The following GUCY1B1 variants were observed in gnomAD, a reference collection of about 807,000 sequenced individuals.
The protein encoded by GUCY1B1 is guanylate cyclase soluble subunit beta-1.
In GUCY1B1, 43 loss-of-function variants were observed where a neutral mutation model predicts 71.0. That is an observed-to-expected ratio of 0.61 (90% CI 0.47 to 0.78). The LOEUF (loss-of-function observed/expected upper bound fraction) is 0.78, where lower values mean the gene tolerates loss of function less well. Ranked by LOEUF, GUCY1B1 falls within the 30% of genes least tolerant of loss-of-function variation. GUCY1B1 has a pLI of 0.00. For missense variants in GUCY1B1, 535 were observed against 754.1 expected, an observed-to-expected ratio of 0.71 and a Z score of 3.40; for synonymous variants, 266 against 259.7, an observed-to-expected ratio of 1.02 and a Z score of -0.23.
At chr4:155,795,589 TA>T (rs1739495411) in intron 7 of GUCY1B1, 132 bp downstream of exon 7, 2 of 532,584 alleles carry the variant, frequency 3.8e-6, no homozygotes, top group Middle Eastern at 9.4e-4. Context: ...AAGATCTATT[TA>T]AAAGGCAATA....
Position 155,802,626 on chromosome 4 carries a change from T to C in GUCY1B1, c.1413+47T>C, listed in dbSNP as rs1474934803. 1 of 1,485,752 alleles carries C rather than the reference T, an allele frequency of 6.7e-7. No homozygotes were observed. 92.0% of individuals were successfully genotyped at this position (1,485,752 alleles called of 1,614,324 possible). On this transcript the variant is annotated intron_variant, in intron 10 of 13. Transcript: ENST00000264424. This position sits in a 1 kb window ranked among gnomAD's most constrained non-coding sequence, Gnocchi z 4.3. ...CTGCAGAGCTATCCAGAGGCTGGCG[T>C]TCTGAGACTCCCCTCCAGAGGCCAT...
intron 4 of GUCY1B1, chr4:155,785,367 C>A: frequency 2.2e-6 from 2 of 926,314 alleles, no homozygotes; most frequent in Non-Finnish European, 3.3e-6. Flanking sequence ...TTTTTACTTT[C>A]ATACATATGG....
chr4:155,762,989 A>C (rs562697473), intron 2 of GUCY1B1, among the ~76,000 whole-genome samples: 1 of 152,310 alleles, frequency 6.6e-6, no homozygotes, highest in South Asian at 2.1e-4. Context: ...CAATATTCAA[A>C]TAGTCCTTTT....
intron 3 of GUCY1B1, among the ~76,000 whole-genome samples, chr4:155,775,965 T>G (rs1439276225): frequency 6.6e-6 from 1 of 152,208 alleles, no homozygotes; most frequent in Non-Finnish European, 1.5e-5. Context: ...GCAAACACTA[T>G]CTATAGTAGA....
chr4:155,780,222 C>G (rs10017652), intron 4 of GUCY1B1, among the ~76,000 whole-genome samples: 27,040 of 152,052 alleles, frequency 0.18, 2,554 homozygotes, highest in African/African-American at 0.23. Flanking sequence ...TCTCCCTCTC[C>G]CCCAGTCCAG....
chr4:155,801,171 T>C, intron 9 of GUCY1B1, among the ~76,000 whole-genome samples: 1 of 152,162 alleles, frequency 6.6e-6, no homozygotes, highest in East Asian at 1.9e-4. Flanking sequence ...TTGCTGGGAG[T>C]TAAACAGCGG....
chr4:155,802,477 T>G lies in GUCY1B1; in HGVS notation c.1311T>G (p.His437Gln). 1.9e-6 allele frequency: 3 copies of G among 1,613,812 alleles called. No homozygotes were observed. Among genetic ancestry groups the G allele is most frequent in the Non-Finnish European group, 2.5e-6 (3 of 1,179,772 alleles). Residue 437 changes from histidine to glutamine, a missense_variant, in exon 10 of 14, where the codon CAT (histidine) becomes CAG (glutamine). His to Gln is a conservative substitution (Grantham distance 24). Transcript: ENST00000264424. The surrounding 1 kb of genome is among the most constrained non-coding windows in gnomAD (Gnocchi z 4.3). ...IVGFNAFCSK[H>Q]ASGEGAMKIV... ...GCTTCAATGCTTTCTGTAGCAAGCA[T>G]GCATCTGGAGAAGGAGCCATGAAGA... is the stretch of plus-strand genomic sequence containing the variant.
At position 155,774,980 on chromosome 4, in the gene GUCY1B1, G is replaced by T; in HGVS notation, c.90G>T (p.Gln30His). The change falls in exon 3 of 14, where the codon CAG (glutamine) becomes CAT (histidine). Residue 30 changes from glutamine to histidine, a missense_variant. Coordinates refer to ENST00000264424, the MANE Select transcript of GUCY1B1 (RefSeq NM_000857.5). ...TTTTGTTTTCCAGAAAAGAGGCACAGTTAGATGAAGAAGGACAGTTTCTTG... is the reference window on the plus strand; with the variant it reads ...TTTTGTTTTCCAGAAAAGAGGCACATTTAGATGAAGAAGGACAGTTTCTTG... ...EVWEDIKKEA[Q>H]LDEEGQFLVR... 1 of 1,574,058 alleles carries T rather than the reference G, an allele frequency of 6.4e-7. No individual in the cohort carries two copies. Among genetic ancestry groups the T allele is most frequent in the Non-Finnish European group, 8.7e-7 (1 of 1,145,022 alleles).
chr4:155,780,612 T>C (rs1255504569), intron 4 of GUCY1B1, among the ~76,000 whole-genome samples: 2 of 152,212 alleles, frequency 1.3e-5, no homozygotes, highest in African/African-American at 4.8e-5. Context: ...AATAAATGAA[T>C]ATCTTTTTTA....
At chr4:155,791,966 T>C (rs143673846) in intron 5 of GUCY1B1, among the ~76,000 whole-genome samples, 1 of 152,168 alleles carries the variant, frequency 6.6e-6, no homozygotes, top group African/African-American at 2.4e-5. Flanking sequence ...GGGAGATTGA[T>C]GGCTTTAGCA....
chr4:155,806,225 C>A (rs17033572), intron 13 of GUCY1B1, among the ~76,000 whole-genome samples, 161 bp from the exon 14 acceptor site: 31,963 of 152,018 alleles, frequency 0.21, 3,568 homozygotes, highest in Middle Eastern at 0.36. Context: ...TCATCTTAGT[C>A]GTGCGGTCCT....
chr4:155,772,218 G>T (rs1228186195), intron 2 of GUCY1B1, among the ~76,000 whole-genome samples: 2 of 152,126 alleles, frequency 1.3e-5, no homozygotes, highest in African/African-American at 2.4e-5. Flanking sequence ...TTTGGAAAAA[G>T]GGAGAAGAAT....
intron 10 of GUCY1B1, 67 bp from the exon 11 acceptor site, chr4:155,803,557 G>T (rs1055175503): frequency 2.7e-6 from 3 of 1,120,446 alleles, no homozygotes; most frequent in African/African-American, 1.6e-5. Flanking sequence ...TATGTTTTTT[G>T]TTAGGGTAAT....
In GUCY1B1 at chr4:155,803,686, T is replaced by C. The variant is rs1163301501; in HGVS notation, c.1476T>C (p.His492=). 6.2e-7 allele frequency: 1 copy of C among 1,605,608 alleles called. No individual in the cohort carries two copies. Residue 492 remains histidine, a synonymous_variant, in exon 11 of 14, where the codon CAT becomes CAC. Coordinates refer to ENST00000264424, the MANE Select transcript of GUCY1B1 (RefSeq NM_000857.5). Reference sequence around the variant, plus strand: ...GTTTACCAGAGCCATGCATTCACCATGCACGATCCATCTGCCACCTGGCCT... The same window carrying C: ...GTTTACCAGAGCCATGCATTCACCACGCACGATCCATCTGCCACCTGGCCT... ...VSGLPEPCIH[H]ARSICHLALD... is the part of the protein sequence containing the mutation.
chr4:155,772,565 C>T (rs1903229), intron 2 of GUCY1B1: 71,384 of 574,244 alleles, frequency 0.12, 5,086 homozygotes, highest in Middle Eastern at 0.22. Context: ...TACAGACTTG[C>T]GCCACCACAC....
intron 3 of GUCY1B1, among the ~76,000 whole-genome samples, chr4:155,776,664 T>C (rs1487897211): frequency 1.3e-5 from 2 of 152,014 alleles, no homozygotes; most frequent in Non-Finnish European, 2.9e-5. Context: ...AGTGAGACTC[T>C]GTCTCAAAAA....
chr4:155,793,979 C>T lies in GUCY1B1; in HGVS notation c.619C>T (p.Arg207Cys), dbSNP rs763812533. 2.1e-5 allele frequency: 33 copies of T among 1,609,264 alleles called. No homozygotes were observed. Among genetic ancestry groups the T allele is most frequent in the East Asian group, 4.5e-5 (2 of 44,844 alleles). The change falls in exon 6 of 14, where the codon CGC becomes TGC. Residue 207 changes from arginine (R) to cysteine (C), a missense_variant. Physicochemically the swap from Arg to Cys is radical, Grantham distance 180 (BLOSUM62 -3). Transcript: ENST00000264424. ...RFEENGTQES[R>C]ISPYTFCKAF... ...TGAAGAAAATGGTACCCAGGAATCA[C>T]GCATCAGCCCATATACATTCTGCAA...
chr4:155,790,153 A>T (rs1263431267), intron 5 of GUCY1B1, among the ~76,000 whole-genome samples: 1 of 152,168 alleles, frequency 6.6e-6, no homozygotes, highest in Non-Finnish European at 1.5e-5. Context: ...AGGCTACAAG[A>T]AATTTACTTT....
intron 8 of GUCY1B1, among the ~76,000 whole-genome samples, chr4:155,797,604 G>T (rs1197403068): frequency 6.6e-6 from 1 of 151,620 alleles, no homozygotes; most frequent in Non-Finnish European, 1.5e-5. Flanking sequence ...CAGGAGTGGT[G>T]GTGGGCACCT....
Sources: allele counts gnomAD v4.1 joint callset (sites outside exome capture counted in the v4.1 genomes callset), GRCh38; gene constraint gnomAD v4.1.1; non-coding constraint Gnocchi (gnomAD v3.1); transcripts MANE v1.5; gene names NCBI Gene and HGNC (gene_info 2026-07-23, HGNC 2026-07-21).